The following LRRTM4 variants were observed in gnomAD, a reference collection of about 807,000 sequenced individuals.
The protein encoded by LRRTM4 is leucine-rich repeat transmembrane neuronal protein 4.
LRRTM4 carries 25 observed loss-of-function variants against 47.6 expected under a neutral mutation model. The ratio of observed to expected loss-of-function variants is 0.53; its 90% CI spans 0.38 to 0.73. The LOEUF (loss-of-function observed/expected upper bound fraction) is 0.73. Ranked by LOEUF, LRRTM4 falls within the 30% of genes least tolerant of loss-of-function variation. The probability of loss-of-function intolerance (pLI) is 0.00; values close to 1 mark genes in which losing one functional copy is unlikely to be tolerated. For missense variants in LRRTM4, 638 were observed against 713.4 expected (o/e 0.89, Z 1.20); for synonymous variants, 311 against 269.5 (o/e 1.15, Z -1.51).
In LRRTM4 at chr2:77,049,122, T is replaced by TTATATATATA. The variant is rs3058032; in HGVS notation, c.1552-300216_1552-300207dup. Among the ~76,000 whole-genome samples the TTATATATATA allele has an allele frequency of 3.1e-3, 194 of 62,578 alleles. 2 individuals are homozygous for TTATATATATA. Among genetic ancestry groups the TTATATATATA allele is most frequent in the Non-Finnish European group, 4.6e-3 (169 of 36,776 alleles). The allele number at this position is 62,578 out of a possible 152,430, so 41.1% of individuals were successfully genotyped here. A position where few individuals can be genotyped will look rare whatever the true frequency, so the allele number is the denominator to read the frequency against. On this transcript the variant is annotated intron_variant, in intron 3 of 3. Transcript: ENST00000409884. ...TTTTGACTAAATAATATTTCATTTT[T>TTATATATATA]TATATATATATATATATATATATAT...
rs144846616 is a variant in LRRTM4, at chr2:77,410,666, T to C, written c.1551+107652A>G. ...GAAATTTATCCTAGGGATACATGTA[T>C]TGGAAATCAACACTATTTTCTTTTC... On this transcript the variant is annotated intron_variant, in intron 3 of 3. Transcript: ENST00000409884. Among the ~76,000 whole-genome samples the C allele has an allele frequency of 1.6e-4, 24 of 152,290 alleles. No individual in the cohort carries two copies. In the East Asian group the frequency reaches 4.6e-3, roughly 29 times the overall value.
Position 77,517,249 on chromosome 2 carries a change from C to T in LRRTM4, c.1551+1069G>A, listed in dbSNP as rs1019993071. The T allele has an allele frequency of 1.8e-5, 18 of 984,340 alleles. No individual in the cohort carries two copies. The African/African-American group carries it at 3.1e-4, about 17-fold the overall frequency. 61.0% of individuals were successfully genotyped at this position (984,340 alleles called of 1,614,324 possible). A position where few individuals can be genotyped will look rare whatever the true frequency, so the allele number is the denominator to read the frequency against. ...AAATTAAATAATCAGAAACCGGGTC[C>T]AAATTTATTCTTATAAAAACAAAAA... On this transcript the variant is annotated intron_variant, in intron 3 of 3. Transcript: ENST00000409884.
chr2:76,862,275 C>A (rs977219880), intron 3 of LRRTM4, among the ~76,000 whole-genome samples: 11 of 152,202 alleles, frequency 7.2e-5, no homozygotes, highest in Non-Finnish European at 1.5e-4. Flanking sequence ...CATAGTTCCT[C>A]TCAGGTGACA....
intron 3 of LRRTM4, among the ~76,000 whole-genome samples, chr2:76,960,470 G>C (rs1399801515): frequency 6.6e-6 from 1 of 151,530 alleles, no homozygotes; most frequent in Non-Finnish European, 1.5e-5. Flanking sequence ...ATGTGGACTT[G>C]TACCATCTCT....
Position 77,445,061 on chromosome 2 carries a change from C to CATT in LRRTM4, c.1551+73254_1551+73256dup, listed in dbSNP as rs577314879. Among the ~76,000 whole-genome samples, 498 of 151,448 alleles carry CATT rather than the reference C, an allele frequency of 3.3e-3. 4 individuals carry two copies. Among genetic ancestry groups the CATT allele is most frequent in the Admixed American group, 5.3e-3 (81 of 15,184 alleles). ...ATATTGTTCAGATATTTTAGTCACT[C>CATT]ATTTTTGTTGTTGTTTTTCTGGGTC... On this transcript the variant is annotated intron_variant, in intron 3 of 3. Transcript: ENST00000409884.
chr2:77,465,858 C>A (rs899028846), intron 3 of LRRTM4, among the ~76,000 whole-genome samples: 2 of 151,554 alleles, frequency 1.3e-5, no homozygotes, highest in Admixed American at 6.6e-5. Context: ...CTGTTCCTGG[C>A]CTCTTCACTG....
At chr2:77,296,829 G>A (rs4557003) in intron 3 of LRRTM4, among the ~76,000 whole-genome samples, 1 of 152,174 alleles carries the variant, frequency 6.6e-6, no homozygotes, top group African/African-American at 2.4e-5. Context: ...CCCAAGGTGA[G>A]AATAAGCAGT....
chr2:77,005,881 CTTAT>C (rs1677624152), intron 3 of LRRTM4, among the ~76,000 whole-genome samples: 2 of 152,130 alleles, frequency 1.3e-5, no homozygotes, highest in Admixed American at 1.3e-4. Flanking sequence ...CAAATATTAG[CTTAT>C]TTATTAACAT....
rs374985558 is a variant in LRRTM4, at chr2:77,100,527, GGCACAT to G, written c.1552-351617_1552-351612del. On this transcript the variant is annotated intron_variant, in intron 3 of 3. Transcript: ENST00000409884. ...AAGCAATCAGCCAAATTGAGAATGT[GGCACAT>G]TCTACAGGACACATAACCTGGATTC... 2.4e-3 allele frequency among the ~76,000 whole-genome samples: 359 copies of G among 152,148 alleles called. 5 individuals are homozygous for G. The highest frequency in any genetic ancestry group is 7.4e-3 in the African/African-American group (306 of 41,518).
At chr2:77,212,388 A>G (rs1054608455) in intron 3 of LRRTM4, among the ~76,000 whole-genome samples, 2 of 150,246 alleles carry the variant, frequency 1.3e-5, no homozygotes, top group Non-Finnish European at 3.0e-5. Context: ...ATATATATAT[A>G]TGAATTTTGT....
At chr2:77,426,383 T>A (rs1443779708) in intron 3 of LRRTM4, among the ~76,000 whole-genome samples, 1 of 152,092 alleles carries the variant, frequency 6.6e-6, no homozygotes, top group East Asian at 1.9e-4. Flanking sequence ...GAGCTATAAT[T>A]CCATCACATT....
chr2:77,035,053 T>A lies in LRRTM4; in HGVS notation c.1552-286137A>T, dbSNP rs924398711. 1.2e-4 allele frequency among the ~76,000 whole-genome samples: 18 copies of A among 151,790 alleles called. No homozygotes were observed. In the South Asian group the frequency reaches 1.2e-3, roughly 10 times the overall value. ...AAAATAATCTTTTATTTTTATTATT[T>A]TTTTTCTTAATTATTGTTTTTTATT... is the stretch of plus-strand genomic sequence containing the variant. On this transcript the variant is annotated intron_variant, in intron 3 of 3. Coordinates refer to ENST00000409884, the MANE Select transcript of LRRTM4 (RefSeq NM_001134745.3).
intron 3 of LRRTM4, among the ~76,000 whole-genome samples, chr2:77,454,852 G>A (rs1428062212): frequency 6.6e-6 from 1 of 151,948 alleles, no homozygotes; most frequent in East Asian, 1.9e-4. Context: ...TTCTTTCTTT[G>A]TAATCTAAAA....
At chr2:77,258,488 CAT>C (rs1675829699) in intron 3 of LRRTM4, among the ~76,000 whole-genome samples, 1 of 151,964 alleles carries the variant, frequency 6.6e-6, no homozygotes, top group African/African-American at 2.4e-5. Flanking sequence ...TTTACAGTTA[CAT>C]AATGTATAAT....
At chr2:76,788,398 G>C (rs1463843765) in intron 3 of LRRTM4, among the ~76,000 whole-genome samples, 1 of 152,142 alleles carries the variant, frequency 6.6e-6, no homozygotes, top group African/African-American at 2.4e-5. Flanking sequence ...CAAAGGCAGA[G>C]AGTGAATAAG....
At chr2:76,961,763 C>CGGG in intron 3 of LRRTM4, among the ~76,000 whole-genome samples, 1 of 151,210 alleles carries the variant, frequency 6.6e-6, no homozygotes, top group South Asian at 2.1e-4. Context: ...TTCTATTTCC[C>CGGG]AGGCTCTAGG....
At chr2:76,781,039 C>T (rs1466962221) in intron 3 of LRRTM4, among the ~76,000 whole-genome samples, 6 of 152,278 alleles carry the variant, frequency 3.9e-5, no homozygotes, top group African/African-American at 9.6e-5. Flanking sequence ...TCAGTGTGCC[C>T]GTGCTTGGGG....
intron 3 of LRRTM4, among the ~76,000 whole-genome samples, chr2:77,078,809 A>G (rs1056859552): frequency 3.9e-5 from 6 of 152,172 alleles, no homozygotes; most frequent in Non-Finnish European, 1.5e-5. Context: ...ATGCTCTAAC[A>G]AAATACTATA....
At chr2:76,900,094 T>C (rs896797544) in intron 3 of LRRTM4, among the ~76,000 whole-genome samples, 2 of 151,970 alleles carry the variant, frequency 1.3e-5, no homozygotes, top group African/African-American at 2.4e-5. Context: ...TCAGGCATGA[T>C]GGATGGCTCA....
Sources: gnomAD v4.1 joint callset for allele counts (sites outside exome capture counted in the v4.1 genomes callset) on GRCh38, gnomAD v4.1.1 for gene constraint, MANE v1.5 for transcripts, NCBI Gene and HGNC (gene_info 2026-07-23, HGNC 2026-07-21) for gene names.